Variants in NTRK2 observed in about 807,000 individuals in gnomAD.
NTRK2 encodes neurotrophic receptor tyrosine kinase 2, also known as BDNF/NT-3 growth factors receptor.
NTRK2 carries 13 observed loss-of-function variants against 94.5 expected under a neutral mutation model. The observed-to-expected ratio is 0.14, with a 90% CI of 0.09 to 0.22. The LOEUF is 0.22. Ranked by LOEUF, NTRK2 falls within the 10% of genes least tolerant of loss-of-function variation. The probability of loss-of-function intolerance (pLI) is 1.00; values close to 1 mark genes in which losing one functional copy is unlikely to be tolerated. For synonymous variants in NTRK2, 372 were observed against 407.4 expected (o/e 0.91, Z 1.05); for missense variants, 639 against 1,071.2 (o/e 0.60, Z 5.63).
intron 12 of NTRK2, among the ~76,000 whole-genome samples, chr9:84,840,265 CTTTT>C (rs1158579395): frequency 2.7e-4 from 27 of 101,848 alleles, no homozygotes; most frequent in African/African-American, 8.7e-4. Flanking sequence ...ATTGACAATT[CTTTT>C]TTTTTTTTTT....
chr9:84,777,385 T>G (rs1378606294), intron 12 of NTRK2, among the ~76,000 whole-genome samples: 12 of 152,216 alleles, frequency 7.9e-5, no homozygotes, highest in Non-Finnish European at 4.4e-5. Context: ...CATTTTCTAA[T>G]ACAGTAGTCT....
chr9:84,844,403 GAATTTTTGTAAGGGGAGGGAGGTCA>G (rs1422688064), intron 12 of NTRK2, among the ~76,000 whole-genome samples: 1 of 152,102 alleles, frequency 6.6e-6, no homozygotes, highest in African/African-American at 2.4e-5. Flanking sequence ...ATAAGTCAGA[GAATTTTTGTAAGGGGAGGGAGGTCA>G]AATTTTTGTA....
intron 17 of NTRK2, among the ~76,000 whole-genome samples, chr9:84,970,478 C>A (rs1427066021): frequency 1.3e-5 from 2 of 152,066 alleles, no homozygotes; most frequent in Non-Finnish European, 2.9e-5. Flanking sequence ...TTAAATAGTG[C>A]CTACCTCATA....
Position 85,002,564 on chromosome 9 carries a change from C to T in NTRK2, c.2173-17642C>T, listed in dbSNP as rs184554721. On this transcript the variant is annotated intron_variant, in intron 17 of 18. Transcript: ENST00000277120. ...TAATTTAGAGAGGTGATGAAGTGAC[C>T]GTTCAAGTGTTCAGCAAATGGATAA... is the stretch of plus-strand genomic sequence containing the variant. 4.7e-4 allele frequency among the ~76,000 whole-genome samples: 72 copies of T among 152,238 alleles called. 1 individual carries two copies. The highest frequency in any genetic ancestry group is 1.6e-3 in the African/African-American group (65 of 41,528).
At chr9:84,770,376 C>G (rs2066438082) in intron 12 of NTRK2, among the ~76,000 whole-genome samples, 1 of 151,996 alleles carries the variant, frequency 6.6e-6, no homozygotes, top group African/African-American at 2.4e-5. Context: ...ATTTACACAC[C>G]ACAGCTCTCT....
At chr9:84,851,475 G>A (rs895605411) in intron 12 of NTRK2, among the ~76,000 whole-genome samples, 1 of 152,152 alleles carries the variant, frequency 6.6e-6, no homozygotes, top group East Asian at 1.9e-4. Context: ...TTATAAGTGT[G>A]TATAATCCTG....
At chr9:84,948,440 C>T (rs752679598) in intron 15 of NTRK2, 22 bp from the exon 16 acceptor site, 11 of 1,613,358 alleles carry the variant, frequency 6.8e-6, no homozygotes, top group Non-Finnish European at 8.5e-6. Flanking sequence ...AGTAATCCTT[C>T]TCTTTTAACA....
intron 11 of NTRK2, among the ~76,000 whole-genome samples, chr9:84,747,763 G>A (rs2064222579): frequency 6.6e-6 from 1 of 152,158 alleles, no homozygotes; most frequent in African/African-American, 2.4e-5. Context: ...TTACAGGCAT[G>A]AGCCACCGCA....
intron 12 of NTRK2, chr9:84,811,333 A>G (rs45623334): frequency 0.055 from 58,325 of 1,066,280 alleles, 1,715 homozygotes; most frequent in Non-Finnish European, 0.06. Flanking sequence ...AGAAGAAGAA[A>G]AAAAACAAGA....
rs1369314346 is a variant in NTRK2, at chr9:84,741,744, T to G, written c.1160-148T>G. On this transcript the variant is annotated intron_variant, in intron 9 of 18. Transcript: ENST00000277120. The stretch of plus-strand genomic sequence containing the variant: ...AGTTAATGTGGAACAACTCAAGAAC[T>G]TAAAGTTTTGTTTACCTGTCCTGTG... 1.0e-4 allele frequency: 71 copies of G among 676,764 alleles called. 2 individuals are homozygous for G. Among genetic ancestry groups the G allele is most frequent in the South Asian group, 1.0e-3 (60 of 58,188 alleles). The allele number at this position is 676,764 out of a possible 1,614,324, so 41.9% of individuals were successfully genotyped here.
chr9:84,904,906 A>G (rs2132431866), intron 14 of NTRK2, among the ~76,000 whole-genome samples: 1 of 152,334 alleles, frequency 6.6e-6, no homozygotes, highest in East Asian at 1.9e-4. Context: ...CTTCTCCTTT[A>G]TACTAATATT....
intron 12 of NTRK2, among the ~76,000 whole-genome samples, chr9:84,771,026 G>T (rs2066493950): frequency 1.3e-5 from 2 of 152,222 alleles, no homozygotes; most frequent in Admixed American, 6.5e-5. Context: ...TTTAGGAAGA[G>T]ATAAAATACA....
intron 12 of NTRK2, among the ~76,000 whole-genome samples, chr9:84,816,032 C>A (rs762429769): frequency 4.6e-5 from 7 of 150,966 alleles, no homozygotes; most frequent in African/African-American, 1.2e-4. Context: ...TTTTAAAAAC[C>A]CTAAATTCTA....
intron 17 of NTRK2, among the ~76,000 whole-genome samples, chr9:84,998,665 T>G (rs1830027397): frequency 6.6e-6 from 1 of 152,202 alleles, no homozygotes; most frequent in African/African-American, 2.4e-5. Flanking sequence ...GGCATTGCAC[T>G]CTTTGGGAAA....
In NTRK2 at chr9:84,873,172, C is replaced by T. The variant is rs930625446; in HGVS notation, c.1633+5741C>T. On this transcript the variant is annotated intron_variant, in intron 14 of 18. Transcript: ENST00000277120. Reference sequence around the variant, plus strand: ...GGTAGGACTGAAAAACGGGTAGAAACAATTGCTTTAGCGCTTCCTTCTGTA... The same window carrying T: ...GGTAGGACTGAAAAACGGGTAGAAATAATTGCTTTAGCGCTTCCTTCTGTA... 9 of 1,063,300 alleles carry T rather than the reference C, an allele frequency of 8.5e-6. No homozygotes were observed. The East Asian group carries it at 4.5e-4, about 54-fold the overall frequency. 65.9% of individuals were successfully genotyped at this position (1,063,300 alleles called of 1,614,324 possible).
intron 12 of NTRK2, among the ~76,000 whole-genome samples, chr9:84,755,483 C>G (rs1286660660): frequency 1.3e-5 from 2 of 148,254 alleles, no homozygotes; most frequent in African/African-American, 5.0e-5. Context: ...AAGAGAGAAC[C>G]TGAGACTTTT....
intron 12 of NTRK2, among the ~76,000 whole-genome samples, chr9:84,842,727 A>G (rs928098190): frequency 1.3e-5 from 2 of 152,166 alleles, no homozygotes; most frequent in African/African-American, 4.8e-5. Context: ...ACTTGGCTAC[A>G]TTAATTATTC....
intron 17 of NTRK2, among the ~76,000 whole-genome samples, chr9:85,018,239 C>T (rs1832443789): frequency 6.6e-6 from 1 of 152,136 alleles, no homozygotes; most frequent in Non-Finnish European, 1.5e-5. Context: ...TTTGCTCACA[C>T]AATTAAATGA....
chr9:84,867,239 C>G lies in NTRK2; in HGVS notation c.1445-4C>G. 6.2e-7 allele frequency: 1 copy of G among 1,613,842 alleles called. No individual in the cohort carries two copies. The highest frequency in any genetic ancestry group is 8.5e-7 in the Non-Finnish European group (1 of 1,179,810). On this transcript the variant is annotated splice_polypyrimidine_tract_variant and splice_region_variant and intron_variant, in intron 13 of 18. Transcript: ENST00000277120. ...GGAGAATATATATATTTTTCCATCT[C>G]CAGGCCCAGCCTCCGTTATCAGCAA...
Sources: gnomAD v4.1 joint callset for allele counts (sites outside exome capture counted in the v4.1 genomes callset) on GRCh38, gnomAD v4.1.1 for gene constraint, MANE v1.5 for transcripts, NCBI Gene and HGNC (gene_info 2026-07-23, HGNC 2026-07-21) for gene names.